AP3S1: variants seen among roughly 807,000 people sequenced by gnomAD.
AP3S1 encodes AP-3 complex subunit sigma-1.
In AP3S1, 12 loss-of-function variants were observed where a neutral mutation model predicts 21.3. The ratio of observed to expected loss-of-function variants is 0.56; its 90% CI spans 0.36 to 0.91. The LOEUF (loss-of-function observed/expected upper bound fraction) is 0.91, where lower values mean the gene tolerates loss of function less well. AP3S1 is among the 40% of genes least tolerant of loss of function. The probability of loss-of-function intolerance (pLI) is 0.01; values close to 1 mark genes in which losing one functional copy is unlikely to be tolerated. For synonymous variants in AP3S1, 48 were observed against 78.4 expected (o/e 0.61, Z 2.05); for missense variants, 116 against 225.0 (o/e 0.52, Z 3.10).
At chr5:115,876,778 T>C (rs1748754744) in intron 3 of AP3S1, among the ~76,000 whole-genome samples, 1 of 152,150 alleles carries the variant, frequency 6.6e-6, no homozygotes, top group Non-Finnish European at 1.5e-5. Flanking sequence ...ATTCCCCAAT[T>C]TGGGTTTGTT....
chr5:115,842,183 A>T, intron 1 of AP3S1, 77 bp downstream of exon 1: 2 of 1,493,726 alleles, frequency 1.3e-6, no homozygotes, highest in Non-Finnish European at 1.8e-6. Context: ...GCTTTCTCAG[A>T]GCGACCCCCT....
intron 1 of AP3S1, among the ~76,000 whole-genome samples, chr5:115,849,581 A>G (rs1467078944): frequency 6.6e-6 from 1 of 152,180 alleles, no homozygotes; most frequent in Non-Finnish European, 1.5e-5. Context: ...TGATGACATC[A>G]TGCCCAGCAT....
rs1580618597 is a variant in AP3S1 at position 115,852,682 on chromosome 5, A to G, written c.69+10576A>G. On this transcript the variant is annotated intron_variant, in intron 1 of 5. Transcript: ENST00000316788. ...CTGTTTTGTTTCCTTAGATTTTTCT[A>G]TTCTGAACATTCTATATAAATGGAA... is the stretch of plus-strand genomic sequence containing the variant. Among the ~76,000 whole-genome samples the G allele has an allele frequency of 2.6e-5, 4 of 152,092 alleles. No individual in the cohort carries two copies. The East Asian group carries it at 7.7e-4, about 29-fold the overall frequency.
chr5:115,847,544 C>T (rs905065325), intron 1 of AP3S1, among the ~76,000 whole-genome samples: 1 of 152,132 alleles, frequency 6.6e-6, no homozygotes, highest in African/African-American at 2.4e-5. Context: ...CACTGAGCTC[C>T]GGAGATCAAG....
chr5:115,911,887 C>A (rs942022613), intron 5 of AP3S1, among the ~76,000 whole-genome samples: 3 of 151,854 alleles, frequency 2.0e-5, no homozygotes, highest in Admixed American at 6.6e-5. Flanking sequence ...AACTAACATC[C>A]ATTAAATTAT....
At chr5:115,894,168 G>A (rs528802724) in intron 3 of AP3S1, among the ~76,000 whole-genome samples, 1 of 152,318 alleles carries the variant, frequency 6.6e-6, no homozygotes, top group African/African-American at 2.4e-5. Flanking sequence ...GTTGCAAGCT[G>A]TCAGGTGTTC....
At chr5:115,871,472 A>G (rs995528230) in intron 3 of AP3S1, among the ~76,000 whole-genome samples, 18 of 152,124 alleles carry the variant, frequency 1.2e-4, no homozygotes, top group Admixed American at 5.2e-4. Flanking sequence ...ATCTTTGTCT[A>G]AACTGTAACC....
At chr5:115,904,767 TAAAAG>T (rs1248530033) in intron 5 of AP3S1, among the ~76,000 whole-genome samples, 1 of 152,198 alleles carries the variant, frequency 6.6e-6, no homozygotes, top group African/African-American at 2.4e-5. Flanking sequence ...TTTAAAGTCT[TAAAAG>T]AACTTAAAAT....
intron 3 of AP3S1, among the ~76,000 whole-genome samples, chr5:115,883,953 C>G (rs1241859235): frequency 3.3e-5 from 5 of 152,212 alleles, no homozygotes; most frequent in African/African-American, 1.2e-4. Flanking sequence ...TCTTAGAATT[C>G]TAAATTCAAC....
intron 4 of AP3S1, among the ~76,000 whole-genome samples, chr5:115,899,309 C>A (rs891742935): frequency 2.0e-5 from 3 of 152,164 alleles, no homozygotes; most frequent in Non-Finnish European, 4.4e-5. Flanking sequence ...ATCTTGGAAG[C>A]CAGCCCTGAG....
At position 115,862,471 on chromosome 5, in the gene AP3S1, T is replaced by C. The variant is rs532712468; in HGVS notation, c.70-4199T>C. Among the ~76,000 whole-genome samples the C allele has an allele frequency of 7.9e-5, 12 of 152,360 alleles. No individual in the cohort carries two copies. In the East Asian group the frequency reaches 2.3e-3, roughly 29 times the overall value. Reference sequence around the variant, plus strand: ...AAAATTTATGCAAACACGTAGAGACTGGACGTGGTGCTATTCTCAGTACGT... The same window carrying C: ...AAAATTTATGCAAACACGTAGAGACCGGACGTGGTGCTATTCTCAGTACGT... On this transcript the variant is annotated intron_variant, in intron 1 of 5. Transcript: ENST00000316788.
intron 1 of AP3S1, among the ~76,000 whole-genome samples, chr5:115,856,713 A>G (rs1580629548): frequency 5.3e-5 from 8 of 152,262 alleles, no homozygotes; most frequent in African/African-American, 7.2e-5. Context: ...GCTTCAAGCA[A>G]TCCTCCGGCC....
intron 5 of AP3S1, among the ~76,000 whole-genome samples, chr5:115,911,240 A>C (rs1341161106): frequency 6.6e-6 from 1 of 151,984 alleles, no homozygotes; most frequent in South Asian, 2.1e-4. Flanking sequence ...ACAGGATATT[A>C]TGGAAAAGAG....
At chr5:115,884,881 A>G (rs1048073574) in intron 3 of AP3S1, among the ~76,000 whole-genome samples, 5 of 152,216 alleles carry the variant, frequency 3.3e-5, no homozygotes, top group Non-Finnish European at 7.3e-5. Flanking sequence ...CCTGATCCCA[A>G]GACTGATTCT....
intron 1 of AP3S1, among the ~76,000 whole-genome samples, chr5:115,850,239 A>G (rs1762343362): frequency 6.6e-6 from 1 of 152,172 alleles, no homozygotes; most frequent in South Asian, 2.1e-4. Flanking sequence ...AATTGTTTTG[A>G]TTACCTTGTG....
intron 3 of AP3S1, among the ~76,000 whole-genome samples, chr5:115,875,365 C>T (rs1161361018): frequency 1.3e-5 from 2 of 152,068 alleles, no homozygotes; most frequent in Non-Finnish European, 2.9e-5. Context: ...TACTTCTGAC[C>T]GACTGAATAT....
intron 5 of AP3S1, 139 bp from the exon 6 acceptor site, chr5:115,913,223 A>T: frequency 1.3e-6 from 1 of 766,742 alleles, no homozygotes; most frequent in South Asian, 3.0e-5. Flanking sequence ...TAACCATTCC[A>T]TACCAATTCA....
intron 5 of AP3S1, among the ~76,000 whole-genome samples, chr5:115,909,532 A>C (rs1751927970): frequency 6.6e-6 from 1 of 152,130 alleles, no homozygotes; most frequent in African/African-American, 2.4e-5. Flanking sequence ...TCATTCTTTC[A>C]TCCAGTTCAT....
intron 5 of AP3S1, chr5:115,907,031 T>C (rs1002486268): frequency 1.0e-6 from 1 of 963,294 alleles, no homozygotes; most frequent in African/African-American, 1.8e-5. Flanking sequence ...TCATCTTTTA[T>C]TGGACTTAGT....
Sources: allele counts gnomAD v4.1 joint callset (sites outside exome capture counted in the v4.1 genomes callset), GRCh38; gene constraint gnomAD v4.1.1; transcripts MANE v1.5; gene names NCBI Gene and HGNC (gene_info 2026-07-23, HGNC 2026-07-21).